Variants in INTS8 observed in about 807,000 individuals in gnomAD.
INTS8 encodes the protein integrator complex subunit 8.
A neutral mutation model predicts 138.9 loss-of-function variants in INTS8; 47 were observed. That is an observed-to-expected ratio of 0.34 (90% confidence interval 0.27 to 0.43). INTS8 has a LOEUF of 0.43. Ranked by LOEUF, INTS8 falls within the 20% of genes least tolerant of loss-of-function variation. The pLI is 1.00. For synonymous variants in INTS8, 392 were observed against 400.9 expected (o/e 0.98, Z 0.27); for missense variants, 996 against 1,173.0 (o/e 0.85, Z 2.20).
At chr8:94,866,911 CCAAA>C (rs1816197370) in intron 18 of INTS8, 1 of 454,128 alleles carries the variant, frequency 2.2e-6, no homozygotes, top group Non-Finnish European at 3.9e-6. Flanking sequence ...GCACCATAAG[CCAAA>C]CATTTATGCT....
At position 94,873,487 on chromosome 8, in the gene INTS8, T is replaced by G; in HGVS notation, c.2637+10T>G. 1.9e-6 allele frequency: 3 copies of G among 1,571,626 alleles called. No homozygotes were observed. The highest frequency in any genetic ancestry group is 2.6e-6 in the Non-Finnish European group (3 of 1,141,508). ...TGTTTATACAGACCAGGTGAATTGT[T>G]TTCGTGGGCTGGCTGGTTTCTTGCC... On this transcript the variant is annotated intron_variant, in intron 22 of 26. Transcript: ENST00000523731.
chr8:94,875,793 T>C (rs1389823930), intron 23 of INTS8, among the ~76,000 whole-genome samples: 1 of 152,250 alleles, frequency 6.6e-6, no homozygotes, highest in African/African-American at 2.4e-5. Context: ...CATGACACTT[T>C]TGCTTGGCAG....
Position 94,856,911 on chromosome 8 carries a change from G to A in INTS8, c.1887G>A (p.Gln629=). The A allele has an allele frequency of 1.2e-6, 2 of 1,614,098 alleles. No homozygotes were observed. The highest frequency in any genetic ancestry group is 1.7e-6 in the Non-Finnish European group (2 of 1,180,022). ...DIHTHEAGTG[Q]AGERPPSDLI... ...ATACACACGAAGCTGGGACAGGGCA[G>A]GCAGGAGAGAGACCGCCATCCGACC... The change falls in exon 15 of 27, where the codon CAG becomes CAA. Residue 629 remains glutamine (Q), a synonymous_variant. Transcript: ENST00000523731.
rs1436194532 is a variant in INTS8, at chr8:94,880,809, T to C, written c.*575T>C. The C allele has an allele frequency of 7.0e-5, 28 of 398,484 alleles. No individual in the cohort carries two copies. Among genetic ancestry groups the C allele is most frequent in the Non-Finnish European group, 2.2e-5 (5 of 225,800 alleles). 24.7% of individuals were successfully genotyped at this position (398,484 alleles called of 1,614,324 possible). Reference sequence around the variant, plus strand: ...GGATATCTTAGAGTAGTAAAGTGACTTCCTCATATAAATAGTTTGAAAGGG... The same window carrying C: ...GGATATCTTAGAGTAGTAAAGTGACCTCCTCATATAAATAGTTTGAAAGGG... On this transcript the variant is annotated 3_prime_UTR_variant, in exon 27 of 27. Transcript: ENST00000523731.
At position 94,823,383 on chromosome 8, in the gene INTS8, C is replaced by G. The variant is rs1814352459; in HGVS notation, c.-49C>G. 4.0e-6 allele frequency: 6 copies of G among 1,504,610 alleles called. No individual in the cohort carries two copies. In the African/African-American group the frequency reaches 7.0e-5, roughly 18 times the overall value. The allele number at this position is 1,504,610 out of a possible 1,614,324, so 93.2% of individuals were successfully genotyped here. A position where few individuals can be genotyped will look rare whatever the true frequency, so the allele number is the denominator to read the frequency against. ...CAGGCACCGGCCCGCATCCAAGTGT[C>G]AGGTTGGAGCCGGGAAGCGGCCCTG... is the stretch of plus-strand genomic sequence containing the variant. On this transcript the variant is annotated 5_prime_UTR_variant, in exon 1 of 27. Transcript: ENST00000523731.
rs1816569048 is a variant in INTS8, at chr8:94,876,494, G to T, written c.2871+5G>T. Reference sequence around the variant, plus strand: ...ACAGATAAAAGACAAATTGCAGTAAGTTACCTTATGCCTTTCTTCAGTGGT... The same window carrying T: ...ACAGATAAAAGACAAATTGCAGTAATTTACCTTATGCCTTTCTTCAGTGGT... On this transcript the variant is annotated splice_donor_5th_base_variant and intron_variant, in intron 26 of 26. Coordinates refer to ENST00000523731, the MANE Select transcript of INTS8 (RefSeq NM_017864.4). The T allele has an allele frequency of 1.3e-6, 2 of 1,533,574 alleles. No homozygotes were observed. Among genetic ancestry groups the T allele is most frequent in the East Asian group, 4.5e-5 (2 of 44,120 alleles). 95.0% of individuals were successfully genotyped at this position (1,533,574 alleles called of 1,614,324 possible).
In INTS8 at chr8:94,881,393, T is replaced by A. The variant is rs1308441835; in HGVS notation, c.*1159T>A. ...TGTGGTTGGCTTCTATCCAGTAACC[T>A]TGGGAATGAAGACATCTTTGTAAAC... On this transcript the variant is annotated 3_prime_UTR_variant, in exon 27 of 27. Transcript: ENST00000523731. 5.7e-6 allele frequency: 3 copies of A among 526,350 alleles called. No individual in the cohort carries two copies. Among genetic ancestry groups the A allele is most frequent in the Non-Finnish European group, 1.0e-5 (3 of 299,124 alleles). 32.6% of individuals were successfully genotyped at this position (526,350 alleles called of 1,614,324 possible).
intron 20 of INTS8, among the ~76,000 whole-genome samples, chr8:94,871,032 C>T (rs967742583): frequency 6.6e-6 from 1 of 152,146 alleles, no homozygotes; most frequent in African/African-American, 2.4e-5. Flanking sequence ...CAGCCCCTGA[C>T]CCCATTAGGC....
At chr8:94,826,083 C>T (rs1350968835) in intron 2 of INTS8, among the ~76,000 whole-genome samples, 2 of 152,098 alleles carry the variant, frequency 1.3e-5, no homozygotes, top group Non-Finnish European at 2.9e-5. Context: ...TATCTTTGCC[C>T]ATAAAATAAG....
intron 5 of INTS8, 118 bp downstream of exon 5, chr8:94,829,144 G>T (rs1814618595): frequency 1.4e-6 from 1 of 720,306 alleles, no homozygotes; most frequent in Non-Finnish European, 2.4e-6. Context: ...GAAACTGGAT[G>T]TGGTGTGGGG....
chr8:94,827,679 A>G, intron 3 of INTS8, 43 bp from the exon 4 acceptor site: 2 of 1,484,966 alleles, frequency 1.3e-6, no homozygotes, highest in South Asian at 1.1e-5. Context: ...TTGAGATGAC[A>G]TTTATAATGT....
rs763536818 is a variant in INTS8, at chr8:94,827,344, C to T, written c.387C>T (p.Asp129=). 1.2e-6 allele frequency: 2 copies of T among 1,613,716 alleles called. No individual in the cohort carries two copies. Among genetic ancestry groups the T allele is most frequent in the African/African-American group, 2.7e-5 (2 of 74,920 alleles). Residue 129 remains aspartate (D), a synonymous_variant, in exon 3 of 27, where the codon GAC becomes GAT. Transcript: ENST00000523731. Reference sequence around the variant, plus strand: ...TTCCTCCTGGGACAAAGCATGTAGACATGGATCTGGCCACTTTACCTCCGA... The same window carrying T: ...TTCCTCCTGGGACAAAGCATGTAGATATGGATCTGGCCACTTTACCTCCGA... ...SKVPPGTKHV[D]MDLATLPPTT... is the part of the protein sequence containing the mutation.
intron 9 of INTS8, among the ~76,000 whole-genome samples, chr8:94,842,014 A>G (rs1815152530): frequency 6.6e-6 from 1 of 151,626 alleles, no homozygotes; most frequent in African/African-American, 2.4e-5. Context: ...GGTTGCAGTG[A>G]GCCGAGATTG....
At chr8:94,873,159 T>C (rs760286099) in intron 21 of INTS8, among the ~76,000 whole-genome samples, 1 of 152,250 alleles carries the variant, frequency 6.6e-6, no homozygotes, top group Non-Finnish European at 1.5e-5. Context: ...AAAATTATAA[T>C]TTGTTTCTCG....
chr8:94,849,122 C>A (rs1386218377), intron 10 of INTS8, among the ~76,000 whole-genome samples: 1 of 151,704 alleles, frequency 6.6e-6, no homozygotes, highest in East Asian at 1.9e-4. Context: ...ATTTTTTTAA[C>A]TCTTTTCTGA....
At chr8:94,846,002 C>T (rs1222532190) in intron 10 of INTS8, among the ~76,000 whole-genome samples, 1 of 152,048 alleles carries the variant, frequency 6.6e-6, no homozygotes. Context: ...TATGATGGCT[C>T]TTGATTTCTT....
intron 20 of INTS8, among the ~76,000 whole-genome samples, chr8:94,868,176 T>G (rs1816252375): frequency 6.6e-6 from 1 of 151,974 alleles, no homozygotes; most frequent in Non-Finnish European, 1.5e-5. Flanking sequence ...GGAAAAAGGG[T>G]TCATTTACTT....
chr8:94,823,751 C>G (rs942326865), intron 1 of INTS8, among the ~76,000 whole-genome samples, 190 bp downstream of exon 1: 1 of 152,250 alleles, frequency 6.6e-6, no homozygotes. Flanking sequence ...AAGCTCGAAA[C>G]AAAGGCTCTC....
chr8:94,838,692 A>G (rs1310857698), intron 8 of INTS8, 74 bp downstream of exon 8: 14 of 1,255,786 alleles, frequency 1.1e-5, no homozygotes, highest in Non-Finnish European at 1.5e-5. Flanking sequence ...CGCACCATCC[A>G]TTTACCAGTT....
Sources: gnomAD v4.1 joint callset for allele counts (sites outside exome capture counted in the v4.1 genomes callset) on GRCh38, gnomAD v4.1.1 for gene constraint, MANE v1.5 for transcripts, NCBI Gene and HGNC (gene_info 2026-07-23, HGNC 2026-07-21) for gene names.